The following NUSAP1 variants were observed in gnomAD, a reference collection of about 807,000 sequenced individuals.
The protein encoded by NUSAP1 is nucleolar and spindle-associated protein 1.
NUSAP1 carries 32 observed loss-of-function variants against 52.8 expected under a neutral mutation model. The ratio of observed to expected loss-of-function variants is 0.61; its 90% CI spans 0.46 to 0.81. The LOEUF (loss-of-function observed/expected upper bound fraction) is 0.81, where lower values mean the gene tolerates loss of function less well. NUSAP1 is among the 40% of genes least tolerant of loss of function. The probability of loss-of-function intolerance (pLI) is 0.00; values close to 1 mark genes in which losing one functional copy is unlikely to be tolerated. For missense variants in NUSAP1, 499 were observed against 522.3 expected, an observed-to-expected ratio of 0.96 and a Z score of 0.43; for synonymous variants, 195 against 183.1, an observed-to-expected ratio of 1.06 and a Z score of -0.52.
intron 4 of NUSAP1, among the ~76,000 whole-genome samples, chr15:41,354,705 A>T (rs889987424): frequency 1.3e-5 from 2 of 150,520 alleles, no homozygotes; most frequent in Non-Finnish European, 3.0e-5. Flanking sequence ...AATTTATATT[A>T]AATAATTTTT....
chr15:41,334,251 T>C (rs1019223589), intron 1 of NUSAP1, among the ~76,000 whole-genome samples: 1 of 152,180 alleles, frequency 6.6e-6, no homozygotes, highest in Non-Finnish European at 1.5e-5. Context: ...CCTGAGTAGC[T>C]GGGATTACAG....
At chr15:41,377,772 A>G (rs1329864449) in intron 10 of NUSAP1, among the ~76,000 whole-genome samples, 2 of 149,360 alleles carry the variant, frequency 1.3e-5, no homozygotes, top group African/African-American at 4.9e-5. Context: ...TGGGAGGCCG[A>G]GGGGGGCAGA....
At position 41,380,243 on chromosome 15, in the gene NUSAP1, A is replaced by G; in HGVS notation, c.*57A>G. On this transcript the variant is annotated 3_prime_UTR_variant, in exon 11 of 11. Transcript: ENST00000559596. The stretch of plus-strand genomic sequence containing the variant: ...ATTCTCAACTTTTTTCCTTTTGTAA[A>G]TTTTTTTTTTTTGCTGTCATCCCCA... 9.5e-7 allele frequency: 1 copy of G among 1,056,412 alleles called. No individual in the cohort carries two copies. The highest frequency in any genetic ancestry group is 1.3e-6 in the Non-Finnish European group (1 of 743,232). 65.4% of individuals were successfully genotyped at this position (1,056,412 alleles called of 1,614,324 possible). A position where few individuals can be genotyped will look rare whatever the true frequency, so the allele number is the denominator to read the frequency against.
chr15:41,377,863 T>TGGTGGCGGGCGC (rs1200583195), intron 10 of NUSAP1, among the ~76,000 whole-genome samples: 1 of 150,398 alleles, frequency 6.6e-6, no homozygotes, highest in African/African-American at 2.5e-5. Context: ...TAGCCGGGCG[T>TGGTGGCGGGCGC]GGTGGCGGGC....
chr15:41,372,998 G>T (rs2049765128), intron 8 of NUSAP1, among the ~76,000 whole-genome samples: 1 of 151,786 alleles, frequency 6.6e-6, no homozygotes, highest in Non-Finnish European at 1.5e-5. Context: ...TGAGGTAGGA[G>T]AATCGCTTGA....
chr15:41,361,298 C>A (rs189453276), intron 6 of NUSAP1, among the ~76,000 whole-genome samples: 33 of 151,872 alleles, frequency 2.2e-4, no homozygotes, highest in African/African-American at 5.8e-4. Flanking sequence ...GAGGCTGAGG[C>A]AGGAGAATTG....
At chr15:41,354,385 A>T (rs1257320056) in intron 4 of NUSAP1, among the ~76,000 whole-genome samples, 3 of 152,030 alleles carry the variant, frequency 2.0e-5, no homozygotes, top group African/African-American at 7.2e-5. Context: ...CACACTTGTA[A>T]TCCCAGCTAC....
Position 41,380,380 on chromosome 15 carries a change from T to A in NUSAP1, c.*194T>A. On this transcript the variant is annotated 3_prime_UTR_variant, in exon 11 of 11. Transcript: ENST00000559596. ...CGTTATCACCTTAAAGCTCAAATTC[T>A]TTGGGATGGTTTTTACTTAAGTCCA... is the stretch of plus-strand genomic sequence containing the variant. The A allele has an allele frequency of 2.4e-6, 1 of 416,166 alleles. No homozygotes were observed. Among genetic ancestry groups the A allele is most frequent in the Non-Finnish European group, 4.3e-6 (1 of 231,218 alleles). The allele number at this position is 416,166 out of a possible 1,614,324, so 25.8% of individuals were successfully genotyped here.
intron 4 of NUSAP1, among the ~76,000 whole-genome samples, chr15:41,351,779 A>T (rs1595554785): frequency 1.3e-5 from 2 of 152,222 alleles, no homozygotes; most frequent in Middle Eastern, 6.8e-3. Context: ...GTGAGACCCT[A>T]TCTCAAAAAA....
chr15:41,371,687 A>G lies in NUSAP1; in HGVS notation c.1006+3A>G. Reference sequence around the variant, plus strand: ...CATCACGGGGAATTCTGCTGCTGGTAAAAAAAAAAAAAAACAAAAGAAATC... The same window carrying G: ...CATCACGGGGAATTCTGCTGCTGGTGAAAAAAAAAAAAAACAAAAGAAATC... On this transcript the variant is annotated splice_donor_region_variant and intron_variant, in intron 8 of 10. Coordinates refer to ENST00000559596, the MANE Select transcript of NUSAP1 (RefSeq NM_016359.5). 1 of 421,008 alleles carries G rather than the reference A, an allele frequency of 2.4e-6. No homozygotes were observed. Among genetic ancestry groups the G allele is most frequent in the Non-Finnish European group, 3.5e-6 (1 of 283,040 alleles). 26.1% of individuals were successfully genotyped at this position (421,008 alleles called of 1,614,324 possible). A position where few individuals can be genotyped will look rare whatever the true frequency, so the allele number is the denominator to read the frequency against.
chr15:41,373,377 C>T (rs1231334743), intron 8 of NUSAP1, among the ~76,000 whole-genome samples: 5 of 150,906 alleles, frequency 3.3e-5, no homozygotes, highest in Non-Finnish European at 5.9e-5. Flanking sequence ...AGCAAGACTC[C>T]GTCTCAAAAA....
intron 6 of NUSAP1, among the ~76,000 whole-genome samples, chr15:41,365,138 C>G (rs1414267882): frequency 6.6e-6 from 1 of 152,082 alleles, no homozygotes; most frequent in Non-Finnish European, 1.5e-5. Flanking sequence ...GGAGACAATA[C>G]TGTATCAGAG....
chr15:41,365,723 T>A, intron 7 of NUSAP1, 134 bp downstream of exon 7: 1 of 616,068 alleles, frequency 1.6e-6, no homozygotes, highest in Non-Finnish European at 2.5e-6. Context: ...CTTTTCTTTT[T>A]CTTTTTTTTT....
intron 2 of NUSAP1, chr15:41,345,580 C>A: frequency 2.8e-6 from 1 of 352,186 alleles, no homozygotes; most frequent in South Asian, 2.1e-5. Context: ...CTGCCTCAGC[C>A]TCCTGAGTAG....
At chr15:41,333,173 C>T in intron 1 of NUSAP1, 123 bp downstream of exon 1, 1 of 708,396 alleles carries the variant, frequency 1.4e-6, no homozygotes, top group South Asian at 1.6e-5. Context: ...GCCCCTCGGG[C>T]AGTAGATGTG....
chr15:41,356,270 T>A, intron 5 of NUSAP1, 130 bp downstream of exon 5: 2 of 674,182 alleles, frequency 3.0e-6, no homozygotes, highest in Non-Finnish European at 5.2e-6. Flanking sequence ...TTAGGTTTGA[T>A]ATCTTGGGGA....
At chr15:41,349,992 C>T (rs903327126) in intron 3 of NUSAP1, among the ~76,000 whole-genome samples, 2 of 152,040 alleles carry the variant, frequency 1.3e-5, no homozygotes, top group Admixed American at 6.6e-5. Context: ...ATCTTGAACT[C>T]CTGACCTCTG....
intron 5 of NUSAP1, among the ~76,000 whole-genome samples, chr15:41,356,645 G>T (rs1567056510): frequency 6.6e-6 from 1 of 152,072 alleles, no homozygotes; most frequent in Non-Finnish European, 1.5e-5. Flanking sequence ...CAGCCACTCT[G>T]CCTGGCCTAT....
intron 6 of NUSAP1, among the ~76,000 whole-genome samples, chr15:41,360,485 T>C (rs2049130317): frequency 6.6e-6 from 1 of 151,912 alleles, no homozygotes; most frequent in Non-Finnish European, 1.5e-5. Context: ...CCTGGCTAAT[T>C]TTTTGTATTT....
Sources: allele counts gnomAD v4.1 joint callset (sites outside exome capture counted in the v4.1 genomes callset), GRCh38; gene constraint gnomAD v4.1.1; transcripts MANE v1.5; gene names NCBI Gene and HGNC (gene_info 2026-07-23, HGNC 2026-07-21).